The following TIAM1 variants were observed in gnomAD, a reference collection of about 807,000 sequenced individuals.
TIAM1 encodes TIAM Rac1 associated GEF 1.
A neutral mutation model predicts 163.5 loss-of-function variants in TIAM1; 65 were observed. The ratio of observed to expected loss-of-function variants is 0.40; its 90% confidence interval spans 0.33 to 0.49. The LOEUF is 0.49. TIAM1 is among the 20% of genes least tolerant of loss of function. The pLI is 0.77. For synonymous variants in TIAM1, 833 were observed against 810.1 expected (o/e 1.03, Z -0.48); for missense variants, 1,789 against 2,044.7 (o/e 0.87, Z 2.41).
At chr21:31,184,155 G>C (rs2085168116) in intron 14 of TIAM1, among the ~76,000 whole-genome samples, 1 of 151,298 alleles carries the variant, frequency 6.6e-6, no homozygotes, top group Non-Finnish European at 1.5e-5. Flanking sequence ...GTCCAGGCTT[G>C]AGTTCAATGG....
chr21:31,436,875 T>G (rs866149368), intron 2 of TIAM1, among the ~76,000 whole-genome samples: 3 of 151,762 alleles, frequency 2.0e-5, no homozygotes, highest in Non-Finnish European at 2.9e-5. Context: ...GGAGAATCGC[T>G]TGCACCCAGG....
At chr21:31,346,002 C>G (rs542923661), upstream of TIAM1, among the ~76,000 whole-genome samples, 1 of 151,836 alleles carries the variant, frequency 6.6e-6, no homozygotes, top group South Asian at 2.1e-4. Flanking sequence ...TTGGATACAG[C>G]AATGGTCCTT....
At chr21:31,461,676 G>A (rs568158899) in intron 2 of TIAM1, among the ~76,000 whole-genome samples, 62 of 152,104 alleles carry the variant, frequency 4.1e-4, no homozygotes, top group Non-Finnish European at 7.9e-4. Context: ...CCTTTTGTGT[G>A]TGTGTGAGAG....
intron 1 of TIAM1, among the ~76,000 whole-genome samples, chr21:31,496,960 C>T (rs1037958814): frequency 2.6e-5 from 4 of 152,164 alleles, no homozygotes; most frequent in African/African-American, 9.7e-5. Context: ...CTACATCCCT[C>T]GCATGAGCAG....
At chr21:31,521,583 A>G (rs2047588232) in intron 1 of TIAM1, among the ~76,000 whole-genome samples, 1 of 152,140 alleles carries the variant, frequency 6.6e-6, no homozygotes, top group African/African-American at 2.4e-5. Flanking sequence ...AAAAAATTTA[A>G]AAACTTAGCC....
chr21:31,357,869 A>G (rs538957886), intron 2 of TIAM1, among the ~76,000 whole-genome samples: 1 of 152,226 alleles, frequency 6.6e-6, no homozygotes, highest in Middle Eastern at 3.4e-3. Flanking sequence ...ACTTTCTTCA[A>G]TTGCTTCCAA....
chr21:31,453,644 C>T (rs906007497), intron 2 of TIAM1, among the ~76,000 whole-genome samples: 10 of 151,434 alleles, frequency 6.6e-5, no homozygotes, highest in East Asian at 1.9e-4. Context: ...AGTGAGATTG[C>T]GCCACTGCAC....
At chr21:31,491,530 C>T (rs1339438033) in intron 1 of TIAM1, among the ~76,000 whole-genome samples, 1 of 152,182 alleles carries the variant, frequency 6.6e-6, no homozygotes, top group Non-Finnish European at 1.5e-5. Context: ...TCCTGTCGGT[C>T]ACCAACCTGT....
intron 2 of TIAM1, among the ~76,000 whole-genome samples, chr21:31,384,761 G>A: frequency 6.6e-6 from 1 of 152,174 alleles, no homozygotes; most frequent in Non-Finnish European, 1.5e-5. Context: ...TGCACAGAAG[G>A]GCTACACATA....
At chr21:31,471,781 A>G (rs532874005) in intron 1 of TIAM1, among the ~76,000 whole-genome samples, 266 of 152,176 alleles carry the variant, frequency 1.7e-3, no homozygotes, top group Non-Finnish European at 3.3e-3. Context: ...AGGCAGGAGA[A>G]TCACTTAAAC....
At chr21:31,433,662 G>C (rs2300367) in intron 2 of TIAM1, among the ~76,000 whole-genome samples, 2,016 of 152,238 alleles carry the variant, frequency 0.013, 49 homozygotes, top group African/African-American at 0.046. Context: ...TTAAGATGAG[G>C]GTGGTAATTG....
chr21:31,165,854 GT>G (rs1380964417), intron 15 of TIAM1, among the ~76,000 whole-genome samples: 1 of 152,182 alleles, frequency 6.6e-6, no homozygotes, highest in Non-Finnish European at 1.5e-5. Flanking sequence ...TGCAACGTCT[GT>G]TTTTGCCATG....
chr21:31,361,037 G>A (rs2076397847), intron 2 of TIAM1, among the ~76,000 whole-genome samples: 1 of 152,108 alleles, frequency 6.6e-6, no homozygotes, highest in Non-Finnish European at 1.5e-5. Context: ...GAAACACATG[G>A]ACATGAGTGC....
chr21:31,168,605 T>G (rs1419466988), intron 15 of TIAM1, among the ~76,000 whole-genome samples: 8 of 152,182 alleles, frequency 5.3e-5, no homozygotes, highest in Admixed American at 5.2e-4. Context: ...TTTCACCATG[T>G]TAGCCAGGAT....
intron 2 of TIAM1, among the ~76,000 whole-genome samples, chr21:31,369,449 T>C (rs891757794): frequency 4.6e-5 from 7 of 152,114 alleles, no homozygotes; most frequent in Admixed American, 1.3e-4. Context: ...GCTTAACAGA[T>C]ACCAAATTAC....
At chr21:31,475,397 T>C (rs925409404) in intron 1 of TIAM1, among the ~76,000 whole-genome samples, 4 of 152,210 alleles carry the variant, frequency 2.6e-5, no homozygotes, top group Admixed American at 2.6e-4. Context: ...TGAAGTTCTC[T>C]GAAACTCGTC....
At chr21:31,389,066 C>T (rs966535636) in intron 2 of TIAM1, among the ~76,000 whole-genome samples, 2 of 152,150 alleles carry the variant, frequency 1.3e-5, no homozygotes, top group African/African-American at 2.4e-5. Flanking sequence ...AAACGAGCCA[C>T]GGGTAATACA....
At chr21:31,223,722 T>G in intron 7 of TIAM1, 131 bp from the exon 8 acceptor site, 96 of 820,962 alleles carry the variant, frequency 1.2e-4, no homozygotes, top group Non-Finnish European at 1.5e-4. Context: ...AACAGGTACC[T>G]AAGTTTCTTA....
At chr21:31,531,054 AG>A (rs1268716284) in intron 1 of TIAM1, among the ~76,000 whole-genome samples, 11 of 151,988 alleles carry the variant, frequency 7.2e-5, no homozygotes, top group Non-Finnish European at 1.6e-4. Flanking sequence ...CATCTCCCCA[AG>A]CCTTGCCTCA....
Sources: allele counts gnomAD v4.1 joint callset (sites outside exome capture counted in the v4.1 genomes callset), GRCh38; gene constraint gnomAD v4.1.1; transcripts MANE v1.5; gene names NCBI Gene and HGNC (gene_info 2026-07-23, HGNC 2026-07-21).